The following TOX variants were observed in gnomAD, a reference collection of about 807,000 sequenced individuals.
TOX encodes thymocyte selection-associated high mobility group box protein TOX.
A neutral mutation model predicts 53.7 loss-of-function variants in TOX; 11 were observed. The ratio of observed to expected loss-of-function variants is 0.20; its 90% CI spans 0.13 to 0.34. The LOEUF is 0.34. Ranked by LOEUF, TOX falls within the 10% of genes least tolerant of loss-of-function variation. The pLI, the probability that TOX is intolerant of heterozygous loss-of-function variation, is 1.00. For missense variants in TOX, 570 were observed against 664.6 expected, an observed-to-expected ratio of 0.86 and a Z score of 1.56; for synonymous variants, 225 against 245.3, an observed-to-expected ratio of 0.92 and a Z score of 0.77.
intron 3 of TOX, among the ~76,000 whole-genome samples, chr8:58,893,863 G>A (rs1811598736): frequency 6.6e-6 from 1 of 152,180 alleles, no homozygotes. Context: ...ATGAAGAGGC[G>A]AATTCAAAGT....
chr8:58,938,087 G>C (rs1402899900), intron 3 of TOX, among the ~76,000 whole-genome samples: 2 of 152,110 alleles, frequency 1.3e-5, no homozygotes, highest in African/African-American at 2.4e-5. Flanking sequence ...TGGCTGCCCA[G>C]ATGGCTGCCA....
intron 1 of TOX, among the ~76,000 whole-genome samples, chr8:59,019,867 G>A (rs544523799): frequency 9.2e-5 from 14 of 152,300 alleles, no homozygotes; most frequent in Admixed American, 5.9e-4. Context: ...GTAACACTTA[G>A]AAGTTGATTT....
intron 2 of TOX, among the ~76,000 whole-genome samples, chr8:58,952,654 T>C (rs1280451174): frequency 6.6e-6 from 1 of 152,200 alleles, no homozygotes; most frequent in Admixed American, 6.5e-5. Context: ...ATGCTCCATA[T>C]GGAGTGCAAG....
intron 1 of TOX, among the ~76,000 whole-genome samples, chr8:59,081,063 G>A (rs1804397351): frequency 6.6e-6 from 1 of 152,130 alleles, no homozygotes; most frequent in Non-Finnish European, 1.5e-5. Context: ...GTCTCACTCT[G>A]TCGCCCAGGC....
chr8:58,978,073 G>A (rs541451275), intron 1 of TOX, among the ~76,000 whole-genome samples: 2 of 152,098 alleles, frequency 1.3e-5, no homozygotes, highest in Non-Finnish European at 2.9e-5. Flanking sequence ...ATAAAATGGG[G>A]GTATGTCTGT....
intron 1 of TOX, among the ~76,000 whole-genome samples, chr8:59,095,296 A>G (rs1428060164): frequency 1.3e-5 from 2 of 152,178 alleles, no homozygotes; most frequent in Non-Finnish European, 1.5e-5. Context: ...ATTCCAACAC[A>G]TTAAAACAAT....
chr8:58,833,019 C>T (rs1366769263), intron 5 of TOX, among the ~76,000 whole-genome samples: 2 of 152,186 alleles, frequency 1.3e-5, no homozygotes, highest in East Asian at 3.8e-4. Flanking sequence ...TCTTCCACGA[C>T]AGGGCTAGCA....
At chr8:58,944,061 A>C (rs1033405594) in intron 2 of TOX, among the ~76,000 whole-genome samples, 1 of 152,206 alleles carries the variant, frequency 6.6e-6, no homozygotes, top group African/African-American at 2.4e-5. Context: ...AAATTATATT[A>C]CTGTTACTTA....
At chr8:58,970,629 G>A (rs961212566) in intron 1 of TOX, among the ~76,000 whole-genome samples, 4 of 152,136 alleles carry the variant, frequency 2.6e-5, no homozygotes, top group Non-Finnish European at 5.9e-5. Context: ...GCTTATCCCA[G>A]CCCACATCTC....
chr8:58,937,807 T>C (rs551173492), intron 3 of TOX, among the ~76,000 whole-genome samples: 4 of 152,124 alleles, frequency 2.6e-5, no homozygotes, highest in Non-Finnish European at 5.9e-5. Context: ...TTCTCCTCTC[T>C]AGGGAACAGG....
At chr8:59,031,919 C>T (rs989190615) in intron 1 of TOX, among the ~76,000 whole-genome samples, 1 of 152,114 alleles carries the variant, frequency 6.6e-6, no homozygotes, top group Non-Finnish European at 1.5e-5. Context: ...ATTGGATTTT[C>T]CCCCTCAGTT....
chr8:59,027,051 G>GCACCTTTGCATCCCTTTATTCGTGGTCT, intron 1 of TOX, among the ~76,000 whole-genome samples: 1 of 152,282 alleles, frequency 6.6e-6, no homozygotes, highest in Admixed American at 6.5e-5. Context: ...TTCCCTGTTT[G>GCACCTTTGCATCCCTTTATTCGTGGTCT]CACCTTTGCA....
intron 3 of TOX, among the ~76,000 whole-genome samples, chr8:58,887,691 T>A (rs1021150666): frequency 6.6e-6 from 1 of 152,050 alleles, no homozygotes; most frequent in Non-Finnish European, 1.5e-5. Flanking sequence ...AGTTCTACTG[T>A]TTTTCTGTTT....
At chr8:58,830,940 G>T (rs935731473) in intron 5 of TOX, among the ~76,000 whole-genome samples, 1 of 152,148 alleles carries the variant, frequency 6.6e-6, no homozygotes, top group African/African-American at 2.4e-5. Context: ...TTTCAAGGCT[G>T]TTGTTATTTA....
chr8:59,067,371 T>C (rs1427340159), intron 1 of TOX, among the ~76,000 whole-genome samples: 2 of 152,078 alleles, frequency 1.3e-5, no homozygotes, highest in Non-Finnish European at 2.9e-5. Flanking sequence ...CTGGCCAACA[T>C]GGTGAAACCC....
intron 3 of TOX, among the ~76,000 whole-genome samples, chr8:58,873,957 G>GTTTTT (rs1585873069): frequency 2.3e-5 from 1 of 43,992 alleles, no homozygotes; most frequent in African/African-American, 3.1e-4. Context: ...ATGCCAGGAA[G>GTTTTT]CTTTTTTTTT....
chr8:58,945,974 G>C (rs904750974), intron 2 of TOX, among the ~76,000 whole-genome samples: 3 of 151,662 alleles, frequency 2.0e-5, no homozygotes, highest in Admixed American at 2.0e-4. Flanking sequence ...ATATCATCTC[G>C]TATGTATCTT....
chr8:59,008,394 T>C (rs1210314036), intron 1 of TOX, among the ~76,000 whole-genome samples: 6 of 152,242 alleles, frequency 3.9e-5, no homozygotes, highest in Non-Finnish European at 8.8e-5. Context: ...TGTACTTACC[T>C]TTCAATGAAG....
chr8:58,838,875 G>C (rs1318992529), intron 4 of TOX, among the ~76,000 whole-genome samples: 1 of 151,634 alleles, frequency 6.6e-6, no homozygotes, highest in Non-Finnish European at 1.5e-5. Flanking sequence ...CTAATTTTTT[G>C]TATTTTAGTA....
Sources: gnomAD v4.1 joint callset for allele counts (sites outside exome capture counted in the v4.1 genomes callset) on GRCh38, gnomAD v4.1.1 for gene constraint, MANE v1.5 for transcripts, NCBI Gene and HGNC (gene_info 2026-07-23, HGNC 2026-07-21) for gene names.